The following LRP1B variants were observed in gnomAD, a reference collection of about 807,000 sequenced individuals.
LRP1B encodes the protein LDL receptor related protein 1B.
Under a neutral mutation model 556.6 loss-of-function variants are expected in LRP1B, and 217 were observed. That is an observed-to-expected ratio of 0.39 (90% confidence interval 0.35 to 0.44). The LOEUF (loss-of-function observed/expected upper bound fraction) is 0.44. LRP1B is among the 20% of genes least tolerant of loss of function. LRP1B has a pLI of 1.00. For synonymous variants in LRP1B, 2,047 were observed against 1,865.8 expected (o/e 1.10, Z -2.50); for missense variants, 5,053 against 5,620.8 (o/e 0.90, Z 3.23).
At chr2:140,308,621 C>CCTAACTAGTTTTATGTATAT (rs578149867) in intron 83 of LRP1B, among the ~76,000 whole-genome samples, 26 of 151,640 alleles carry the variant, frequency 1.7e-4, no homozygotes, top group East Asian at 5.8e-4. Flanking sequence ...ATGTTTTATA[C>CCTAACTAGTTTTATGTATAT]CTAACTAGTT....
intron 3 of LRP1B, among the ~76,000 whole-genome samples, chr2:141,312,479 T>C (rs1391143076): frequency 6.6e-6 from 1 of 152,198 alleles, no homozygotes; most frequent in African/African-American, 2.4e-5. Flanking sequence ...AATAGGCTGT[T>C]AACAGTTAAG....
At chr2:141,369,967 T>C (rs926234266) in intron 3 of LRP1B, among the ~76,000 whole-genome samples, 2 of 152,194 alleles carry the variant, frequency 1.3e-5, no homozygotes, top group African/African-American at 4.8e-5. Flanking sequence ...GCAAAAGACA[T>C]GGTTTCATTC....
At chr2:140,987,789 A>G (rs999587572) in intron 17 of LRP1B, among the ~76,000 whole-genome samples, 8 of 152,052 alleles carry the variant, frequency 5.3e-5, no homozygotes, top group Non-Finnish European at 1.0e-4. Flanking sequence ...GTTTGAGACT[A>G]GCCTGGCCAA....
chr2:141,652,363 G>C (rs935119204), intron 2 of LRP1B, among the ~76,000 whole-genome samples: 7 of 152,208 alleles, frequency 4.6e-5, no homozygotes, highest in African/African-American at 1.7e-4. Context: ...AACAGAGAAA[G>C]TAGTTATTTA....
chr2:141,689,225 A>G (rs1266430793), intron 2 of LRP1B, among the ~76,000 whole-genome samples: 4 of 151,864 alleles, frequency 2.6e-5, no homozygotes, highest in Admixed American at 6.6e-5. Context: ...CATTTTGCAT[A>G]TATCATTACT....
rs868436694 is a variant in LRP1B at position 142,064,886 on chromosome 2, T to G, written c.82+65762A>C. Reference sequence around the variant, plus strand: ...CATCATTGCTTTATTGTTCAGTTATTGTAATATGCATATATACATATCTAT... The same window carrying G: ...CATCATTGCTTTATTGTTCAGTTATGGTAATATGCATATATACATATCTAT... On this transcript the variant is annotated intron_variant, in intron 1 of 90. Transcript: ENST00000389484. 5.3e-5 allele frequency among the ~76,000 whole-genome samples: 8 copies of G among 151,634 alleles called. No homozygotes were observed. In the South Asian group the frequency reaches 1.5e-3, roughly 28 times the overall value.
intron 35 of LRP1B, among the ~76,000 whole-genome samples, chr2:140,729,974 A>G (rs1346348520): frequency 1.3e-5 from 2 of 152,182 alleles, no homozygotes; most frequent in South Asian, 2.1e-4. Flanking sequence ...CTTGCTCTCA[A>G]CTGATGGAAG....
intron 41 of LRP1B, among the ~76,000 whole-genome samples, chr2:140,689,798 G>T (rs1327566804): frequency 6.6e-6 from 1 of 152,074 alleles, no homozygotes; most frequent in Non-Finnish European, 1.5e-5. Flanking sequence ...TAAAGTTCAA[G>T]TTTTATAACA....
Position 140,418,876 on chromosome 2 carries a change from G to A in LRP1B, c.10414+23628C>T, listed in dbSNP as rs550203198. Among the ~76,000 whole-genome samples, 273 of 152,180 alleles carry A rather than the reference G, an allele frequency of 1.8e-3. 1 individual carries two copies. Among genetic ancestry groups the A allele is most frequent in the Middle Eastern group, 3.4e-3 (1 of 294 alleles). ...ATGAAAATTGTCTTCCATGAAACTG[G>A]TCTCCGGTGCCGAAAAGGTTGAAGG... On this transcript the variant is annotated intron_variant, in intron 66 of 90. Transcript: ENST00000389484.
At position 140,990,786 on chromosome 2, in the gene LRP1B, A is replaced by G. The variant is rs1010591358; in HGVS notation, c.2645-1129T>C. Among the ~76,000 whole-genome samples the G allele has an allele frequency of 2.0e-5, 3 of 152,098 alleles. No homozygotes were observed. The South Asian group carries it at 6.2e-4, about 31-fold the overall frequency. Reference sequence around the variant, plus strand: ...CCTAACTGAATTGGCATGCTCTTCAATATGTGTTTCACAATTTCAACGCTG... The same window carrying G: ...CCTAACTGAATTGGCATGCTCTTCAGTATGTGTTTCACAATTTCAACGCTG... On this transcript the variant is annotated intron_variant, in intron 16 of 90. Coordinates refer to ENST00000389484, the MANE Select transcript of LRP1B (RefSeq NM_018557.3).
intron 2 of LRP1B, among the ~76,000 whole-genome samples, chr2:141,515,748 C>T (rs985578644): frequency 3.3e-5 from 5 of 152,046 alleles, no homozygotes; most frequent in African/African-American, 1.2e-4. Flanking sequence ...TGATATGATA[C>T]ACAACTAGTT....
intron 11 of LRP1B, among the ~76,000 whole-genome samples, chr2:141,046,282 C>G (rs1480605073): frequency 6.6e-6 from 1 of 152,126 alleles, no homozygotes; most frequent in Non-Finnish European, 1.5e-5. Flanking sequence ...ATGTGTCAAA[C>G]TAAGCATTGC....
chr2:140,450,406 C>T (rs529758763), intron 63 of LRP1B, among the ~76,000 whole-genome samples, 162 bp downstream of exon 63: 108 of 152,236 alleles, frequency 7.1e-4, no homozygotes, highest in Non-Finnish European at 9.0e-4. Context: ...CAAGGTATTA[C>T]AACAATTTTT....
At chr2:142,036,435 T>C (rs1011712729) in intron 1 of LRP1B, among the ~76,000 whole-genome samples, 3 of 151,742 alleles carry the variant, frequency 2.0e-5, no homozygotes, top group Non-Finnish European at 4.4e-5. Context: ...CTCTTAATAT[T>C]AGATTTATTG....
At chr2:140,572,848 C>A (rs1349929467) in intron 43 of LRP1B, among the ~76,000 whole-genome samples, 1 of 63,666 alleles carries the variant, frequency 1.6e-5, no homozygotes, top group Non-Finnish European at 3.5e-5. Flanking sequence ...AAAACACTAT[C>A]ATTCATGGCA....
chr2:140,548,996 A>G (rs747827385), intron 43 of LRP1B, among the ~76,000 whole-genome samples: 1 of 152,148 alleles, frequency 6.6e-6, no homozygotes, highest in Non-Finnish European at 1.5e-5. Flanking sequence ...TAACAACATT[A>G]TCTTTCTGAT....
At chr2:141,011,036 T>C (rs2105381622) in intron 14 of LRP1B, among the ~76,000 whole-genome samples, 1 of 148,260 alleles carries the variant, frequency 6.7e-6, no homozygotes, top group South Asian at 2.1e-4. Context: ...AGTTTTTATA[T>C]ATATATAAAT....
intron 40 of LRP1B, 150 bp from the exon 41 acceptor site, chr2:140,700,771 AG>A: frequency 2.4e-6 from 2 of 834,982 alleles, no homozygotes; most frequent in Non-Finnish European, 3.7e-6. Flanking sequence ...AAATTAAAAA[AG>A]TATTGTTTTT....
chr2:141,705,833 T>C (rs374592505), intron 2 of LRP1B, among the ~76,000 whole-genome samples: 71 of 152,158 alleles, frequency 4.7e-4, no homozygotes, highest in African/African-American at 1.6e-3. Flanking sequence ...ATCCCTCATA[T>C]TTATGATAGT....
Sources: allele counts gnomAD v4.1 joint callset (sites outside exome capture counted in the v4.1 genomes callset), GRCh38; gene constraint gnomAD v4.1.1; transcripts MANE v1.5; gene names NCBI Gene and HGNC (gene_info 2026-07-23, HGNC 2026-07-21).